The following NUBPL variants were observed in gnomAD, a reference collection of about 807,000 sequenced individuals.
NUBPL encodes iron-sulfur cluster transfer protein NUBPL.
Under a neutral mutation model 45.7 loss-of-function variants are expected in NUBPL, and 31 were observed. The observed-to-expected ratio is 0.68, with a 90% CI of 0.51 to 0.92. NUBPL has a LOEUF of 0.92. NUBPL is among the 40% of genes least tolerant of loss of function. The probability of loss-of-function intolerance (pLI) is 0.00; values close to 1 mark genes in which losing one functional copy is unlikely to be tolerated. For synonymous variants in NUBPL, 144 were observed against 140.9 expected, an observed-to-expected ratio of 1.02 and a Z score of -0.15; for missense variants, 401 against 398.7, an observed-to-expected ratio of 1.01 and a Z score of -0.05.
chr14:31,615,333 A>G (rs1659707206), intron 4 of NUBPL, among the ~76,000 whole-genome samples: 2 of 152,142 alleles, frequency 1.3e-5, no homozygotes, highest in Non-Finnish European at 2.9e-5. Context: ...TCTGGGGTAC[A>G]TGTGCAGAAC....
intron 7 of NUBPL, among the ~76,000 whole-genome samples, chr14:31,789,050 A>G (rs2039332889): frequency 6.6e-6 from 1 of 152,208 alleles, no homozygotes; most frequent in South Asian, 2.1e-4. Flanking sequence ...TTAGGGGCTG[A>G]GTGCAGTGGC....
chr14:31,744,300 G>T (rs530020267), intron 6 of NUBPL, among the ~76,000 whole-genome samples: 2 of 152,134 alleles, frequency 1.3e-5, no homozygotes, highest in Non-Finnish European at 2.9e-5. Context: ...ATTTAAACAG[G>T]CAGTTTGGAA....
At position 31,839,126 on chromosome 14, in the gene NUBPL, T is replaced by G. The variant is rs547469142; in HGVS notation, c.694-7345T>G. 2.6e-5 allele frequency among the ~76,000 whole-genome samples: 4 copies of G among 152,308 alleles called. No homozygotes were observed. In the South Asian group the frequency reaches 6.2e-4, roughly 24 times the overall value. On this transcript the variant is annotated intron_variant, in intron 8 of 10. Transcript: ENST00000281081. ...GACACCTAATATGTCATTGTTTTGG[T>G]TTTTTGTTCTTATTGCTTTATTACC...
intron 4 of NUBPL, among the ~76,000 whole-genome samples, chr14:31,660,050 A>G (rs922199425): frequency 2.3e-4 from 35 of 152,356 alleles, no homozygotes; most frequent in African/African-American, 8.2e-4. Flanking sequence ...AATAGAAGCC[A>G]TAACATTACA....
At chr14:31,777,617 T>C (rs1356341667) in intron 6 of NUBPL, among the ~76,000 whole-genome samples, 4 of 152,218 alleles carry the variant, frequency 2.6e-5, no homozygotes, top group African/African-American at 9.6e-5. Context: ...AGGAATCTTA[T>C]ACCAGGGTTA....
At chr14:31,729,314 G>A (rs1445144430) in intron 6 of NUBPL, among the ~76,000 whole-genome samples, 1 of 122,790 alleles carries the variant, frequency 8.1e-6, no homozygotes, top group Non-Finnish European at 1.6e-5. Context: ...CAACAAATAT[G>A]TATATCTTAC....
At chr14:31,612,177 CATT>C (rs1158134460) in intron 4 of NUBPL, among the ~76,000 whole-genome samples, 1 of 152,178 alleles carries the variant, frequency 6.6e-6, no homozygotes, top group Non-Finnish European at 1.5e-5. Flanking sequence ...TCTGACAAGA[CATT>C]AATAATGAAT....
chr14:31,814,009 CTT>C (rs2039867130), intron 7 of NUBPL, among the ~76,000 whole-genome samples: 1 of 152,182 alleles, frequency 6.6e-6, no homozygotes, highest in Admixed American at 6.5e-5. Context: ...GTGCATGTGT[CTT>C]TATAGTAGAA....
intron 6 of NUBPL, among the ~76,000 whole-genome samples, chr14:31,724,285 C>G (rs2037872721): frequency 6.6e-6 from 1 of 152,164 alleles, no homozygotes; most frequent in Non-Finnish European, 1.5e-5. Context: ...TTGTGATCAA[C>G]TGCTAAGGCC....
chr14:31,646,786 A>G (rs2035865599), intron 4 of NUBPL, among the ~76,000 whole-genome samples: 1 of 151,664 alleles, frequency 6.6e-6, no homozygotes, highest in Non-Finnish European at 1.5e-5. Flanking sequence ...TTTTAAAAAA[A>G]TAAGCTTTGT....
chr14:31,742,735 C>G (rs1290088598), intron 6 of NUBPL, among the ~76,000 whole-genome samples: 1 of 151,246 alleles, frequency 6.6e-6, no homozygotes, highest in Non-Finnish European at 1.5e-5. Flanking sequence ...CTCCAAGTAG[C>G]TGGGATTACA....
intron 4 of NUBPL, among the ~76,000 whole-genome samples, chr14:31,665,202 G>C (rs1373294167): frequency 6.6e-6 from 1 of 151,912 alleles, no homozygotes; most frequent in Non-Finnish European, 1.5e-5. Flanking sequence ...TTTTTTGAAG[G>C]GTTTTTCGTG....
chr14:31,858,986 C>T lies in NUBPL; in HGVS notation c.898-132C>T. 7 of 739,774 alleles carry T rather than the reference C, an allele frequency of 9.5e-6. No homozygotes were observed. The South Asian group carries it at 1.1e-4, about 11-fold the overall frequency. The allele number at this position is 739,774 out of a possible 1,614,324, so 45.8% of individuals were successfully genotyped here. On this transcript the variant is annotated intron_variant, in intron 10 of 10. Coordinates refer to ENST00000281081, the MANE Select transcript of NUBPL (RefSeq NM_025152.3). Reference sequence around the variant, plus strand: ...TGCAATATATACAGCACTATCTTCTCAATACTGAATTTCCTCATCTCACTC... The same window carrying T: ...TGCAATATATACAGCACTATCTTCTTAATACTGAATTTCCTCATCTCACTC...
At chr14:31,732,570 T>G (rs922015267) in intron 6 of NUBPL, among the ~76,000 whole-genome samples, 2 of 151,712 alleles carry the variant, frequency 1.3e-5, no homozygotes, top group Non-Finnish European at 2.9e-5. Context: ...ATGGGTAGAT[T>G]GTTTTTAACT....
At chr14:31,755,747 G>A (rs1024947414) in intron 6 of NUBPL, among the ~76,000 whole-genome samples, 4 of 151,670 alleles carry the variant, frequency 2.6e-5, no homozygotes, top group Admixed American at 1.3e-4. Flanking sequence ...CATTGCTTTC[G>A]GTGTTTTAGA....
intron 4 of NUBPL, among the ~76,000 whole-genome samples, chr14:31,652,579 A>G (rs2036036212): frequency 6.6e-6 from 1 of 152,216 alleles, no homozygotes; most frequent in Non-Finnish European, 1.5e-5. Flanking sequence ...AAATGATTAA[A>G]AAATAAAGTT....
chr14:31,597,791 TAAA>T (rs1241190005), intron 3 of NUBPL, among the ~76,000 whole-genome samples: 3 of 152,116 alleles, frequency 2.0e-5, no homozygotes, highest in African/African-American at 7.2e-5. Flanking sequence ...AGAAAAGAGA[TAAA>T]ATTCTAGGAT....
intron 6 of NUBPL, among the ~76,000 whole-genome samples, chr14:31,698,067 T>C (rs992696446): frequency 9.8e-5 from 15 of 152,334 alleles, no homozygotes; most frequent in African/African-American, 3.4e-4. Flanking sequence ...TATTTAGGTA[T>C]ATACTGTATT....
intron 6 of NUBPL, among the ~76,000 whole-genome samples, chr14:31,701,915 T>A (rs115345711): frequency 1.5e-3 from 224 of 152,286 alleles, no homozygotes; most frequent in Middle Eastern, 0.014. Context: ...CAAATAGATT[T>A]AGAGAGAACC....
Sources: gnomAD v4.1 joint callset for allele counts (sites outside exome capture counted in the v4.1 genomes callset) on GRCh38, gnomAD v4.1.1 for gene constraint, MANE v1.5 for transcripts, NCBI Gene and HGNC (gene_info 2026-07-23, HGNC 2026-07-21) for gene names.